SHANK2: variants seen among roughly 807,000 people sequenced by gnomAD.
SHANK2 encodes SH3 and multiple ankyrin repeat domains 2.
SHANK2 carries 43 observed loss-of-function variants against 133.7 expected under a neutral mutation model. The observed-to-expected ratio is 0.32, with a 90% CI of 0.25 to 0.41. The LOEUF is 0.41. SHANK2 is among the 10% of genes least tolerant of loss of function. SHANK2 has a pLI of 1.00. For missense variants in SHANK2, 1,994 were observed against 2,235.8 expected, an observed-to-expected ratio of 0.89 and a Z score of 2.18; for synonymous variants, 1,017 against 952.8, an observed-to-expected ratio of 1.07 and a Z score of -1.24.
At chr11:71,076,219 G>A (rs1379574001) in intron 8 of SHANK2, among the ~76,000 whole-genome samples, 4 of 152,108 alleles carry the variant, frequency 2.6e-5, no homozygotes, top group African/African-American at 7.2e-5. Flanking sequence ...GAGAAAAGTC[G>A]GTCCTGACCT....
intron 17 of SHANK2, among the ~76,000 whole-genome samples, chr11:70,653,703 T>A (rs181905162): frequency 6.6e-5 from 10 of 152,312 alleles, no homozygotes; most frequent in Admixed American, 2.6e-4. Flanking sequence ...TGAGATGAAC[T>A]GGGCTCTCAG....
chr11:70,738,797 GTAGTT>G (rs1946462727), intron 14 of SHANK2, among the ~76,000 whole-genome samples: 1 of 152,232 alleles, frequency 6.6e-6, no homozygotes, highest in Non-Finnish European at 1.5e-5. Context: ...GAGGGAAGTG[GTAGTT>G]TACAACAAAA....
chr11:70,713,240 T>A (rs928802250), intron 14 of SHANK2, among the ~76,000 whole-genome samples: 15 of 152,272 alleles, frequency 9.9e-5, no homozygotes, highest in African/African-American at 3.6e-4. Flanking sequence ...TGTGTTTCCA[T>A]CCTCCAATAA....
chr11:71,092,587 G>A lies in SHANK2; in HGVS notation c.747C>T (p.Thr249=). The A allele has an allele frequency of 2.5e-5, 39 of 1,550,184 alleles. No homozygotes were observed. Among genetic ancestry groups the A allele is most frequent in the Non-Finnish European group, 3.3e-5 (38 of 1,145,708 alleles). The change falls in exon 8 of 26, where the codon ACC becomes ACT. Residue 249 remains threonine, a splice_region_variant and synonymous_variant. Transcript: ENST00000601538. ...CTGGGGATGCACCAAGCTCTAAAAG[G>A]GTCTAGGAAAAAAAAATTGAAAGCC... is the stretch of plus-strand genomic sequence containing the variant. ...ARARNQVALK[T]LLELGASPDY...
At chr11:70,543,071 C>T (rs1278789093) in intron 17 of SHANK2, among the ~76,000 whole-genome samples, 5 of 152,224 alleles carry the variant, frequency 3.3e-5, no homozygotes, top group Non-Finnish European at 5.9e-5. Context: ...CGTGGGGTGG[C>T]GGCTGAGCTC....
At chr11:70,921,234 A>G (rs1181498438) in intron 10 of SHANK2, among the ~76,000 whole-genome samples, 1 of 152,254 alleles carries the variant, frequency 6.6e-6, no homozygotes, top group Non-Finnish European at 1.5e-5. Context: ...TCAAAGCATC[A>G]GGGATCTACT....
intron 2 of SHANK2, among the ~76,000 whole-genome samples, chr11:71,166,362 C>A (rs1953148127): frequency 6.6e-6 from 1 of 152,116 alleles, no homozygotes. Context: ...ATTAACCGGA[C>A]AGCTACTTCT....
intron 17 of SHANK2, among the ~76,000 whole-genome samples, chr11:70,547,803 G>C (rs114529905): frequency 6.6e-6 from 1 of 152,196 alleles, no homozygotes; most frequent in African/African-American, 2.4e-5. Context: ...TCTGCTAAAG[G>C]AATCCTTGGT....
chr11:70,498,911 C>T (rs2059010448), intron 21 of SHANK2, among the ~76,000 whole-genome samples: 1 of 152,154 alleles, frequency 6.6e-6, no homozygotes, highest in Non-Finnish European at 1.5e-5. Context: ...CCAGCATGAC[C>T]TCATCTTGAT....
chr11:70,658,264 G>GACACACACACACACACAGAC (rs2061435359), intron 17 of SHANK2, among the ~76,000 whole-genome samples: 1 of 99,236 alleles, frequency 1.0e-5, no homozygotes, highest in Non-Finnish European at 2.0e-5. Context: ...CACACACACA[G>GACACACACACACACACAGAC]ACACACACAC....
At chr11:71,216,432 A>G (rs1555119913) in intron 2 of SHANK2, among the ~76,000 whole-genome samples, 1 of 152,204 alleles carries the variant, frequency 6.6e-6, no homozygotes, top group East Asian at 1.9e-4. Flanking sequence ...TAGAGATGAA[A>G]TGGAGATTTG....
chr11:70,940,734 AG>A (rs1384717672), intron 10 of SHANK2, among the ~76,000 whole-genome samples: 1 of 152,188 alleles, frequency 6.6e-6, no homozygotes, highest in Non-Finnish European at 1.5e-5. Flanking sequence ...TGGTTGCTGG[AG>A]GGGGCTTGAA....
chr11:71,210,731 G>A (rs1954257367), intron 2 of SHANK2, among the ~76,000 whole-genome samples: 1 of 152,064 alleles, frequency 6.6e-6, no homozygotes, highest in Non-Finnish European at 1.5e-5. Context: ...AGAGACCCAG[G>A]CGTCTGCTGA....
At chr11:70,497,530 C>A (rs782323740) in intron 21 of SHANK2, among the ~76,000 whole-genome samples, 1 of 152,190 alleles carries the variant, frequency 6.6e-6, no homozygotes, top group Non-Finnish European at 1.5e-5. Context: ...CATTTCAGCC[C>A]TCTGAGCAAA....
rs559848969 is a variant in SHANK2 at position 71,214,530 on chromosome 11, G to C, written c.-13+10167C>G. Among the ~76,000 whole-genome samples the C allele has an allele frequency of 5.3e-5, 8 of 152,312 alleles. No individual in the cohort carries two copies. In the East Asian group the frequency reaches 1.5e-3, roughly 29 times the overall value. ...AGAAAACGACCTTCCCTAACCACAC[G>C]TTTCCGAAGAAGTGTCATCTCTGCT... is the stretch of plus-strand genomic sequence containing the variant. On this transcript the variant is annotated intron_variant, in intron 2 of 25. Transcript: ENST00000601538.
chr11:70,831,808 C>T (rs1447599381), intron 11 of SHANK2, among the ~76,000 whole-genome samples: 1 of 152,248 alleles, frequency 6.6e-6, no homozygotes, highest in African/African-American at 2.4e-5. Context: ...ATCAGACGCC[C>T]GCCTCCACTT....
intron 2 of SHANK2, among the ~76,000 whole-genome samples, chr11:71,168,003 G>A (rs1394639616): frequency 7.0e-6 from 1 of 142,106 alleles, no homozygotes; most frequent in African/African-American, 2.7e-5. Flanking sequence ...TGGCTGCTGG[G>A]CGGAGGGGCT....
chr11:70,748,286 C>G (rs1555036719), intron 14 of SHANK2, among the ~76,000 whole-genome samples: 2 of 152,206 alleles, frequency 1.3e-5, no homozygotes, highest in African/African-American at 2.4e-5. Flanking sequence ...ACACGCTGTT[C>G]TGAAAGCCAC....
chr11:70,852,231 G>C (rs1949097249), intron 11 of SHANK2, among the ~76,000 whole-genome samples: 1 of 152,216 alleles, frequency 6.6e-6, no homozygotes, highest in African/African-American at 2.4e-5. Flanking sequence ...CACAGTGCCA[G>C]ATTGTACAGA....
Sources: allele counts gnomAD v4.1 joint callset (sites outside exome capture counted in the v4.1 genomes callset), GRCh38; gene constraint gnomAD v4.1.1; transcripts MANE v1.5; gene names NCBI Gene and HGNC (gene_info 2026-07-23, HGNC 2026-07-21).